The following SLC30A6 variants were observed in gnomAD, a reference collection of about 807,000 sequenced individuals.
The protein encoded by SLC30A6 is solute carrier family 30 member 6, also known as zinc transporter 6.
A neutral mutation model predicts 63.0 loss-of-function variants in SLC30A6; 55 were observed. The ratio of observed to expected loss-of-function variants is 0.87; its 90% confidence interval spans 0.70 to 1.09. The LOEUF is 1.09. Ranked by LOEUF, SLC30A6 falls within the 50% of genes least tolerant of loss-of-function variation. The probability of loss-of-function intolerance (pLI) is 0.00; values close to 1 mark genes in which losing one functional copy is unlikely to be tolerated. For synonymous variants in SLC30A6, 224 were observed against 186.1 expected (o/e 1.20, Z -1.66); for missense variants, 587 against 549.2 (o/e 1.07, Z -0.69).
At chr2:32,193,354 C>T (rs562970334) in intron 7 of SLC30A6, among the ~76,000 whole-genome samples, 9 of 152,114 alleles carry the variant, frequency 5.9e-5, no homozygotes, top group African/African-American at 1.9e-4. Context: ...GCAGGAGGAT[C>T]GCTTGAGTTC....
At chr2:32,210,515 C>CAAAAAA (rs3040860) in intron 13 of SLC30A6, among the ~76,000 whole-genome samples, 48 of 89,210 alleles carry the variant, frequency 5.4e-4, no homozygotes, top group African/African-American at 2.0e-3. Flanking sequence ...ACTCTGTCTC[C>CAAAAAA]AAAAAAAAAA....
intron 10 of SLC30A6, chr2:32,201,741 A>G (rs1684312402): frequency 3.7e-6 from 5 of 1,340,656 alleles, no homozygotes; most frequent in East Asian, 2.4e-5. Context: ...TACTTCCCTT[A>G]TATGGTTTTT....
At chr2:32,183,529 T>A (rs753463476) in intron 4 of SLC30A6, among the ~76,000 whole-genome samples, 4 of 148,364 alleles carry the variant, frequency 2.7e-5, no homozygotes, top group African/African-American at 7.4e-5. Context: ...TAAAAAAAAA[T>A]ATATAAAAAT....
At chr2:32,172,191 AAT>A (rs780378648) in intron 2 of SLC30A6, among the ~76,000 whole-genome samples, 4 of 152,180 alleles carry the variant, frequency 2.6e-5, no homozygotes, top group Non-Finnish European at 2.9e-5. Flanking sequence ...ATAGAAGTAC[AAT>A]ATAAACATTC....
chr2:32,220,528 C>A lies in SLC30A6; in HGVS notation c.1201C>A (p.Leu401Ile). The change falls in exon 14 of 14, where the codon CTT becomes ATT. Residue 401 changes from leucine to isoleucine, a missense_variant. Physicochemically the swap from Leu to Ile is conservative, Grantham distance 5 (BLOSUM62 2). Transcript: ENST00000282587. ...TGGGAAAAATGTGAACCCAGTTATT[C>A]TTCTAAACACACAAACAAGGCCTTA... The part of the protein sequence containing the change: ...TPGKNVNPVI[L>I]LNTQTRPYGF... 1 of 1,614,184 alleles carries A rather than the reference C, an allele frequency of 6.2e-7. No individual in the cohort carries two copies. The highest frequency in any genetic ancestry group is 8.5e-7 in the Non-Finnish European group (1 of 1,180,020).
intron 10 of SLC30A6, among the ~76,000 whole-genome samples, chr2:32,198,104 G>C (rs1683958175): frequency 6.6e-6 from 1 of 152,186 alleles, no homozygotes; most frequent in Non-Finnish European, 1.5e-5. Context: ...GTAAGAAAGA[G>C]ATCTGAGCCA....
chr2:32,218,776 C>CA (rs1461929479), intron 13 of SLC30A6, among the ~76,000 whole-genome samples: 7 of 152,110 alleles, frequency 4.6e-5, no homozygotes, highest in African/African-American at 1.7e-4. Flanking sequence ...AGGCTGGTCT[C>CA]AAACTCCTGA....
rs895053940 is a variant in SLC30A6 at position 32,221,427 on chromosome 2, T to G, written c.*714T>G. 2.6e-5 allele frequency: 4 copies of G among 152,240 alleles called. No homozygotes were observed. The highest frequency in any genetic ancestry group is 9.6e-5 in the African/African-American group (4 of 41,456). 9.4% of individuals were successfully genotyped at this position (152,240 alleles called of 1,614,324 possible). A position where few individuals can be genotyped will look rare whatever the true frequency, so the allele number is the denominator to read the frequency against. Reference sequence around the variant, plus strand: ...CACCCACCTTAGCCTCCCAAAGTGCTGGGATTAGGTGTGAGCCACCGCACC... The same window carrying G: ...CACCCACCTTAGCCTCCCAAAGTGCGGGGATTAGGTGTGAGCCACCGCACC... On this transcript the variant is annotated 3_prime_UTR_variant, in exon 14 of 14. Transcript: ENST00000282587.
intron 13 of SLC30A6, among the ~76,000 whole-genome samples, chr2:32,211,185 C>T (rs1272186801): frequency 6.6e-6 from 1 of 152,218 alleles, no homozygotes; most frequent in African/African-American, 2.4e-5. Flanking sequence ...GGCTTTGGCT[C>T]ATTGCCTGGC....
chr2:32,185,822 C>T lies in SLC30A6; in HGVS notation c.284+1484C>T, dbSNP rs182320047. 4.8e-3 allele frequency among the ~76,000 whole-genome samples: 721 copies of T among 151,734 alleles called. 4 individuals carry two copies. The highest frequency in any genetic ancestry group is 0.017 in the Middle Eastern group (5 of 290). On this transcript the variant is annotated intron_variant, in intron 5 of 13. Transcript: ENST00000282587. ...GCAGGCTCTGCCTTCCGGGTTCCAG[C>T]GATTCTTCTGCCTCAGCCTCCCGAG...
chr2:32,192,993 T>C (rs1164360830), intron 7 of SLC30A6, 40 bp downstream of exon 7: 1 of 1,208,656 alleles, frequency 8.3e-7, no homozygotes, highest in Non-Finnish European at 1.2e-6. Flanking sequence ...CTATTGATTC[T>C]TAATTATTAA....
chr2:32,204,642 T>G lies in SLC30A6; in HGVS notation c.718T>G (p.Phe240Val). 6.2e-7 allele frequency: 1 copy of G among 1,613,122 alleles called. No individual in the cohort carries two copies. The highest frequency in any genetic ancestry group is 8.5e-7 in the Non-Finnish European group (1 of 1,179,460). ...TGCTATAGCTATTGCCTTGATGACA[T>G]TTGGCACTATGTATCCCATGAGTGT... ...ASAIAIALMT[F>V]GTMYPMSVYS... Residue 240 changes from phenylalanine to valine, a missense_variant, in exon 11 of 14, where the codon TTT becomes GTT. Phe to Val is a conservative substitution (Grantham distance 50). Transcript: ENST00000282587.
intron 5 of SLC30A6, among the ~76,000 whole-genome samples, chr2:32,189,566 G>A (rs997857129): frequency 4.8e-5 from 7 of 145,958 alleles, no homozygotes; most frequent in African/African-American, 1.5e-4. Context: ...CAAAGTGCTG[G>A]GATTATAAGC....
chr2:32,187,004 A>G (rs1437059568), intron 5 of SLC30A6: 1 of 354,738 alleles, frequency 2.8e-6, no homozygotes, highest in East Asian at 7.3e-5. Flanking sequence ...TCCAAAAAAA[A>G]AAAAAAAAAA....
chr2:32,219,147 C>T (rs1685951198), intron 13 of SLC30A6, among the ~76,000 whole-genome samples: 1 of 152,080 alleles, frequency 6.6e-6, no homozygotes, highest in South Asian at 2.1e-4. Flanking sequence ...AATTCTTCTG[C>T]CTCAGCCCCC....
At chr2:32,168,884 C>G (rs182316682) in intron 1 of SLC30A6, among the ~76,000 whole-genome samples, 1 of 152,184 alleles carries the variant, frequency 6.6e-6, no homozygotes, top group African/African-American at 2.4e-5. Context: ...CAATGGCGAG[C>G]CAATATAATT....
chr2:32,205,442 T>C (rs557324040), intron 11 of SLC30A6, among the ~76,000 whole-genome samples: 1 of 152,108 alleles, frequency 6.6e-6, no homozygotes, highest in African/African-American at 2.4e-5. Flanking sequence ...CAACATTTTT[T>C]TTAATGCCCT....
chr2:32,202,810 CA>C, intron 10 of SLC30A6: 4 of 775,814 alleles, frequency 5.2e-6, no homozygotes, highest in Non-Finnish European at 6.9e-6. Flanking sequence ...TGCAAAGTTG[CA>C]AAAAAATGAG....
At chr2:32,183,655 T>C (rs2148828589) in intron 4 of SLC30A6, among the ~76,000 whole-genome samples, 1 of 140,334 alleles carries the variant, frequency 7.1e-6, no homozygotes, top group African/African-American at 2.7e-5. Context: ...ACTACTGCAC[T>C]CCAGCCTGGG....
Sources: allele counts gnomAD v4.1 joint callset (sites outside exome capture counted in the v4.1 genomes callset), GRCh38; gene constraint gnomAD v4.1.1; transcripts MANE v1.5; gene names NCBI Gene and HGNC (gene_info 2026-07-23, HGNC 2026-07-21).